The following TENM3 variants were observed in gnomAD, a reference collection of about 807,000 sequenced individuals.
The protein encoded by TENM3 is teneurin-3.
In TENM3, 63 loss-of-function variants were observed where a neutral mutation model predicts 255.1. The ratio of observed to expected loss-of-function variants is 0.25; its 90% CI spans 0.20 to 0.30. The LOEUF is 0.30. TENM3 is among the 10% of genes least tolerant of loss of function. The probability of loss-of-function intolerance (pLI) is 1.00; values close to 1 mark genes in which losing one functional copy is unlikely to be tolerated. For missense variants in TENM3, 2,929 were observed against 3,461.1 expected, an observed-to-expected ratio of 0.85 and a Z score of 3.86; for synonymous variants, 1,306 against 1,322.3, an observed-to-expected ratio of 0.99 and a Z score of 0.27.
chr4:181,919,687 C>T, the TENM3 span, among the ~76,000 whole-genome samples: 1 of 151,838 alleles, frequency 6.6e-6, no homozygotes. Flanking sequence ...CATGAGGGAC[C>T]ACCAAGGTTG....
At chr4:182,423,883 G>A (rs962278255) in intron 3 of TENM3, among the ~76,000 whole-genome samples, 1 of 151,852 alleles carries the variant, frequency 6.6e-6, no homozygotes, top group African/African-American at 2.4e-5. Flanking sequence ...TATGCCTTCC[G>A]TTAACTTTAG....
intron 1 of TENM3, among the ~76,000 whole-genome samples, chr4:182,207,716 A>C (rs763100824): frequency 3.3e-5 from 5 of 152,206 alleles, no homozygotes; most frequent in Non-Finnish European, 7.3e-5. Flanking sequence ...GCTTGGGAAA[A>C]ATATGATCAA....
chr4:182,470,322 C>T (rs934492319), intron 3 of TENM3, among the ~76,000 whole-genome samples: 2 of 152,184 alleles, frequency 1.3e-5, no homozygotes, highest in Admixed American at 6.5e-5. Context: ...AGTATTTTCT[C>T]ACAATATCTT....
At chr4:182,124,334 G>A in the TENM3 span, among the ~76,000 whole-genome samples, 1 of 152,178 alleles carries the variant, frequency 6.6e-6, no homozygotes, top group Non-Finnish European at 1.5e-5. Context: ...TTACAGGCGT[G>A]AGCCACAGCA....
chr4:182,797,627 G>A (rs1191753656), intron 27 of TENM3, among the ~76,000 whole-genome samples: 1 of 152,054 alleles, frequency 6.6e-6, no homozygotes, highest in Admixed American at 6.6e-5. Flanking sequence ...CAAAGTCAAA[G>A]CTGCCGCTTC....
In TENM3 at chr4:182,562,754, G is replaced by T. The variant is rs556489177; in HGVS notation, c.512-38170G>T. Among the ~76,000 whole-genome samples, 8 of 152,178 alleles carry T rather than the reference G, an allele frequency of 5.3e-5. No homozygotes were observed. The South Asian group carries it at 1.0e-3, about 20-fold the overall frequency. ...TTTCTGTTATTATATCCAACTTTGTGGGGGGTGCAACATGGAGCGCAACTT... is the reference window on the plus strand; with the variant it reads ...TTTCTGTTATTATATCCAACTTTGTTGGGGGTGCAACATGGAGCGCAACTT... On this transcript the variant is annotated intron_variant, in intron 3 of 27. Coordinates refer to ENST00000511685, the MANE Select transcript of TENM3 (RefSeq NM_001080477.4).
intron 1 of TENM3, among the ~76,000 whole-genome samples, chr4:182,266,399 G>C (rs1759247240): frequency 6.6e-6 from 1 of 152,202 alleles, no homozygotes; most frequent in African/African-American, 2.4e-5. Context: ...TTAATTGTAA[G>C]AGAGTGTGTG....
chr4:181,523,893 TC>T, the TENM3 span, among the ~76,000 whole-genome samples: 1 of 152,180 alleles, frequency 6.6e-6, no homozygotes, highest in Non-Finnish European at 1.5e-5. Context: ...AAGAGCTCAA[TC>T]ATCTCTGAAG....
the TENM3 span, among the ~76,000 whole-genome samples, chr4:181,522,126 AAAAAG>A: frequency 1.3e-5 from 2 of 149,898 alleles, no homozygotes; most frequent in Non-Finnish European, 3.0e-5. Flanking sequence ...AAAAAAAAAA[AAAAAG>A]AAGAAGCTAA....
At chr4:182,023,417 C>T in the TENM3 span, among the ~76,000 whole-genome samples, 1 of 152,280 alleles carries the variant, frequency 6.6e-6, no homozygotes, top group South Asian at 2.1e-4. Flanking sequence ...TGAGTTGCCT[C>T]ACTATAATTA....
At position 182,770,022 on chromosome 4, in the gene TENM3, C is replaced by T. The variant is rs1764057283; in HGVS notation, c.4893-3450C>T. ...TCAGGAGGCTGAGGGAGGAGGATTG[C>T]TTGAACCCAGGAGGCGGAGGTTGCA... On this transcript the variant is annotated intron_variant, in intron 22 of 27. Transcript: ENST00000511685. 3.3e-5 allele frequency among the ~76,000 whole-genome samples: 5 copies of T among 150,088 alleles called. No homozygotes were observed. In the South Asian group the frequency reaches 1.1e-3, roughly 32 times the overall value.
intron 16 of TENM3, among the ~76,000 whole-genome samples, chr4:182,733,959 A>T (rs955173642): frequency 1.3e-5 from 2 of 152,220 alleles, no homozygotes; most frequent in African/African-American, 2.4e-5. Flanking sequence ...GAATACATGG[A>T]GTCTTTTCTC....
the TENM3 span, among the ~76,000 whole-genome samples, chr4:181,896,226 C>T: frequency 6.6e-6 from 1 of 152,114 alleles, no homozygotes; most frequent in Non-Finnish European, 1.5e-5. Context: ...AGTCTTATTC[C>T]CCCAATCTAA....
intron 1 of TENM3, among the ~76,000 whole-genome samples, chr4:182,295,261 C>CTTTTTTTTTTTTT (rs752005972): frequency 4.3e-5 from 3 of 70,442 alleles, no homozygotes; most frequent in African/African-American, 2.0e-4. Context: ...CTTTGCTTTT[C>CTTTTTTTTTTTTT]TTTTTTTTTT....
At chr4:181,997,655 C>T in the TENM3 span, among the ~76,000 whole-genome samples, 1 of 152,164 alleles carries the variant, frequency 6.6e-6, no homozygotes, top group Admixed American at 6.5e-5. Context: ...AATCCACAGG[C>T]TGAAGGTGCA....
the TENM3 span, among the ~76,000 whole-genome samples, chr4:181,616,441 CTATCCATATAATGTAATAT>C: frequency 6.8e-6 from 1 of 147,184 alleles, no homozygotes; most frequent in African/African-American, 2.5e-5. Flanking sequence ...TATATATATC[CTATCCATATAATGTAATAT>C]TATCCATATA....
At chr4:182,411,937 G>T (rs17073266) in intron 3 of TENM3, among the ~76,000 whole-genome samples, 19,236 of 152,136 alleles carry the variant, frequency 0.13, 1,531 homozygotes, top group East Asian at 0.22. Flanking sequence ...AATAAACCAG[G>T]AACTGAAGCT....
chr4:181,561,145 G>A, the TENM3 span, among the ~76,000 whole-genome samples: 3 of 152,154 alleles, frequency 2.0e-5, no homozygotes, highest in East Asian at 5.8e-4. Flanking sequence ...GTAGAGACGG[G>A]GTTTCGCCAT....
chr4:181,784,955 CA>C, the TENM3 span, among the ~76,000 whole-genome samples: 1 of 152,080 alleles, frequency 6.6e-6, no homozygotes, highest in Non-Finnish European at 1.5e-5. Context: ...GGAGAAATGA[CA>C]TACACTTCTG....
Sources: allele counts gnomAD v4.1 joint callset (sites outside exome capture counted in the v4.1 genomes callset), GRCh38; gene constraint gnomAD v4.1.1; transcripts MANE v1.5; gene names NCBI Gene and HGNC (gene_info 2026-07-23, HGNC 2026-07-21).